GPA33: variants seen among roughly 807,000 people sequenced by gnomAD.
GPA33 encodes the protein glycoprotein A33.
Under a neutral mutation model 35.6 loss-of-function variants are expected in GPA33, and 27 were observed. That is an observed-to-expected ratio of 0.76 (90% confidence interval 0.56 to 1.04). The LOEUF is 1.04. Ranked by LOEUF, GPA33 falls within the 50% of genes least tolerant of loss-of-function variation. The pLI, the probability that GPA33 is intolerant of heterozygous loss-of-function variation, is 0.00. For synonymous variants in GPA33, 176 were observed against 164.0 expected, an observed-to-expected ratio of 1.07 and a Z score of -0.56; for missense variants, 428 against 411.9, an observed-to-expected ratio of 1.04 and a Z score of -0.34.
In GPA33 at chr1:167,066,707, T is replaced by TATTC. The variant is rs1364804873; in HGVS notation, c.415+2211_415+2214dup. Among the ~76,000 whole-genome samples, 4 of 152,370 alleles carry TATTC rather than the reference T, an allele frequency of 2.6e-5. No individual in the cohort carries two copies. In the East Asian group the frequency reaches 7.7e-4, roughly 29 times the overall value. On this transcript the variant is annotated intron_variant, in intron 3 of 6. Coordinates refer to ENST00000367868, the MANE Select transcript of GPA33 (RefSeq NM_005814.3). ...CAGCAGAATGCAGATGTTACCTGAA[T>TATTC]ATTCACTGGAGGAGCAGTGATAGGG...
At chr1:167,062,860 C>T (rs112945401) in intron 4 of GPA33, among the ~76,000 whole-genome samples, 10 of 151,648 alleles carry the variant, frequency 6.6e-5, no homozygotes, top group South Asian at 2.1e-4. Flanking sequence ...TGAGAGGGAC[C>T]GGCCTGGATA....
intron 1 of GPA33, among the ~76,000 whole-genome samples, chr1:167,085,123 T>G (rs113258053): frequency 4.9e-4 from 75 of 152,266 alleles, no homozygotes; most frequent in Non-Finnish European, 8.4e-4. Context: ...AATTTATAAG[T>G]CAGCTGGGAA....
chr1:167,068,929 C>T lies in GPA33; in HGVS notation c.408G>A (p.Leu136=). The change falls in exon 3 of 7, where the codon TTG becomes TTA. Residue 136 remains leucine (L), a synonymous_variant. Coordinates refer to ENST00000367868, the MANE Select transcript of GPA33 (RefSeq NM_005814.3). ...EGNTKSRVRL[L]VLVPPSKPEC... is the part of the protein sequence containing the mutation. ...AGACATGAAGACACTCACCGAGGAC[C>T]AACAGGCGGACACGTGACTTGGTGT... 1 of 1,612,042 alleles carries T rather than the reference C, an allele frequency of 6.2e-7. No individual in the cohort carries two copies. The highest frequency in any genetic ancestry group is 8.5e-7 in the Non-Finnish European group (1 of 1,179,316).
intron 6 of GPA33, 53 bp downstream of exon 6, chr1:167,054,923 A>G: frequency 1.3e-6 from 2 of 1,596,642 alleles, no homozygotes; most frequent in East Asian, 4.5e-5. Context: ...ATTGGGAAGC[A>G]TATTTCCAGT....
chr1:167,056,837 G>T (rs1191260670), intron 4 of GPA33, among the ~76,000 whole-genome samples: 2,967 of 29,798 alleles, frequency 0.1, no homozygotes, highest in Middle Eastern at 0.18. Context: ...AGTGTGTGTG[G>T]TGAGTGTGTA....
chr1:167,064,155 C>G (rs4657628), intron 3 of GPA33, among the ~76,000 whole-genome samples: 108,300 of 151,996 alleles, frequency 0.71, 38,953 homozygotes, highest in African/African-American at 0.77. Context: ...GTGGTGGCAC[C>G]CACCTATAAT....
At chr1:167,068,805 G>A (rs1003647155) in intron 3 of GPA33, 117 bp downstream of exon 3, 3 of 686,388 alleles carry the variant, frequency 4.4e-6, no homozygotes, top group Non-Finnish European at 7.8e-6. Context: ...GACGAGGTGA[G>A]GAGTCTTAGC....
chr1:167,068,181 T>C (rs1369747658), intron 3 of GPA33, among the ~76,000 whole-genome samples: 1 of 152,158 alleles, frequency 6.6e-6, no homozygotes, highest in East Asian at 1.9e-4. Flanking sequence ...AGATCTTTGT[T>C]TTGGTTTAAA....
intron 1 of GPA33, among the ~76,000 whole-genome samples, chr1:167,087,288 T>TAAC: frequency 6.6e-6 from 1 of 152,312 alleles, no homozygotes; most frequent in African/African-American, 2.4e-5. Context: ...GTAATAATAA[T>TAAC]AACTGCACTC....
chr1:167,057,630 G>A (rs982672529), intron 4 of GPA33, among the ~76,000 whole-genome samples: 30 of 152,174 alleles, frequency 2.0e-4, no homozygotes, highest in Non-Finnish European at 5.9e-5. Flanking sequence ...AAAACCAGGG[G>A]AGTTGTCCTC....
intron 3 of GPA33, among the ~76,000 whole-genome samples, chr1:167,066,155 C>A (rs1463775488): frequency 2.6e-5 from 4 of 152,184 alleles, no homozygotes; most frequent in Non-Finnish European, 4.4e-5. Context: ...ACCAATCCCA[C>A]CTGAGGAGTC....
chr1:167,075,877 T>G (rs1360221198), intron 1 of GPA33, among the ~76,000 whole-genome samples: 4 of 152,156 alleles, frequency 2.6e-5, no homozygotes, highest in Admixed American at 2.6e-4. Context: ...AGGAAAAGTT[T>G]CTTGAAAGCA....
At chr1:167,082,189 G>C in intron 1 of GPA33, 1 of 452,256 alleles carries the variant, frequency 2.2e-6, no homozygotes. Flanking sequence ...GACAGAGAGA[G>C]AGAGAGAATA....
intron 1 of GPA33, among the ~76,000 whole-genome samples, chr1:167,074,054 A>T (rs1178319024): frequency 1.3e-5 from 2 of 151,220 alleles, no homozygotes; most frequent in African/African-American, 4.9e-5. Flanking sequence ...GAATAAGATT[A>T]TATCGAGGTA....
intron 4 of GPA33, chr1:167,058,199 G>GA (rs1368403409): frequency 2.6e-5 from 4 of 151,678 alleles, no homozygotes; most frequent in Non-Finnish European, 4.4e-5. Context: ...ATTCCATCTC[G>GA]AAAAAAATAT....
At chr1:167,055,916 A>C in intron 4 of GPA33, 67 bp from the exon 5 acceptor site, 2 of 1,547,618 alleles carry the variant, frequency 1.3e-6, no homozygotes. Flanking sequence ...CAGGAATGGG[A>C]GGTCTGGACT....
intron 1 of GPA33, among the ~76,000 whole-genome samples, chr1:167,081,061 G>A (rs1666934930): frequency 6.6e-6 from 1 of 152,206 alleles, no homozygotes; most frequent in African/African-American, 2.4e-5. Flanking sequence ...CCCTCCCTAA[G>A]GGGGTCCATA....
At chr1:167,082,176 A>G in intron 1 of GPA33, 1 of 447,126 alleles carries the variant, frequency 2.2e-6, no homozygotes, top group South Asian at 1.6e-5. Flanking sequence ...CTACACAATC[A>G]CAGACAGAGA....
intron 3 of GPA33, among the ~76,000 whole-genome samples, chr1:167,067,171 T>A (rs1666615570): frequency 6.6e-6 from 1 of 152,172 alleles, no homozygotes; most frequent in South Asian, 2.1e-4. Context: ...GCTTGCTCGC[T>A]TGTTTGTTTT....
Sources: allele counts gnomAD v4.1 joint callset (sites outside exome capture counted in the v4.1 genomes callset), GRCh38; gene constraint gnomAD v4.1.1; transcripts MANE v1.5; gene names NCBI Gene and HGNC (gene_info 2026-07-23, HGNC 2026-07-21).